Variants in GNL1 observed in about 807,000 individuals in gnomAD.
The protein encoded by GNL1 is G protein nucleolar 1, also known as guanine nucleotide-binding protein-like 1.
GNL1 carries 21 observed loss-of-function variants against 75.2 expected under a neutral mutation model. That is an observed-to-expected ratio of 0.28 (90% CI 0.20 to 0.40). The LOEUF is 0.40. GNL1 is among the 10% of genes least tolerant of loss of function. GNL1 has a pLI of 1.00. For missense variants in GNL1, 579 were observed against 775.0 expected, an observed-to-expected ratio of 0.75 and a Z score of 3.00; for synonymous variants, 287 against 303.4, an observed-to-expected ratio of 0.95 and a Z score of 0.56.
rs1229310581 is a variant in GNL1, at chr6:30,543,317, C to T, written c.*2755G>A. The T allele has an allele frequency of 6.6e-6, 1 of 152,266 alleles. No homozygotes were observed. Among genetic ancestry groups the T allele is most frequent in the African/African-American group, 2.4e-5 (1 of 41,442 alleles). The allele number at this position is 152,266 out of a possible 1,614,324, so 9.4% of individuals were successfully genotyped here. A position where few individuals can be genotyped will look rare whatever the true frequency, so the allele number is the denominator to read the frequency against. ...TGGAGCCACCACTACCCCACAGGAT[C>T]CTGTACCACCCTTCTCCCAGAACTT... is the stretch of plus-strand genomic sequence containing the variant. On this transcript the variant is annotated 3_prime_UTR_variant, in exon 12 of 12. Coordinates refer to ENST00000376621, the MANE Select transcript of GNL1 (RefSeq NM_005275.5).
In GNL1 at chr6:30,546,848, A is replaced by G; in HGVS notation, c.1442-12T>C. 1 of 1,581,168 alleles carries G rather than the reference A, an allele frequency of 6.3e-7. No homozygotes were observed. On this transcript the variant is annotated splice_polypyrimidine_tract_variant and intron_variant, in intron 10 of 11. Coordinates refer to ENST00000376621, the MANE Select transcript of GNL1 (RefSeq NM_005275.5). This position sits in a 1 kb window ranked among gnomAD's most constrained non-coding sequence, Gnocchi z 5.1. ...TTTCTCTGCCCAGGCTGGAGGAAGA[A>G]AAGAATAATGGAAAGGGAAAGCATT...
chr6:30,553,626 A>C (rs113729999), intron 5 of GNL1, 69 bp from the exon 6 acceptor site: 1 of 1,060,196 alleles, frequency 9.4e-7, no homozygotes, highest in Non-Finnish European at 1.5e-6. Flanking sequence ...CCAGCTCCCC[A>C]CTCAGCAGGT....
In GNL1 at chr6:30,552,392, G is replaced by A. The variant is rs899701374; in HGVS notation, c.1099+75C>T. 12 of 1,274,198 alleles carry A rather than the reference G, an allele frequency of 9.4e-6. No individual in the cohort carries two copies. Among genetic ancestry groups the A allele is most frequent in the South Asian group, 5.3e-5 (4 of 75,424 alleles). 78.9% of individuals were successfully genotyped at this position (1,274,198 alleles called of 1,614,324 possible). A position where few individuals can be genotyped will look rare whatever the true frequency, so the allele number is the denominator to read the frequency against. The stretch of plus-strand genomic sequence containing the variant: ...CCCTGGGGCCTAATGAGACCTGATC[G>A]CCCTCTCTCTTCTCCGAATATGAAA... On this transcript the variant is annotated intron_variant, in intron 8 of 11. Coordinates refer to ENST00000376621, the MANE Select transcript of GNL1 (RefSeq NM_005275.5). The surrounding 1 kb of genome is among the most constrained non-coding windows in gnomAD (Gnocchi z 4.5).
rs187311511 is a variant in GNL1 at position 30,541,769 on chromosome 6, T to C, written c.*4303A>G. 1.3e-5 allele frequency: 2 copies of C among 152,364 alleles called. No individual in the cohort carries two copies. The highest frequency in any genetic ancestry group is 2.9e-5 in the Non-Finnish European group (2 of 68,036). 9.4% of individuals were successfully genotyped at this position (152,364 alleles called of 1,614,324 possible). A position where few individuals can be genotyped will look rare whatever the true frequency, so the allele number is the denominator to read the frequency against. Reference sequence around the variant, plus strand: ...CATATTGCAGTTACTCGTATATTACTGACACTGGAACAGACATGTTTTAAC... The same window carrying C: ...CATATTGCAGTTACTCGTATATTACCGACACTGGAACAGACATGTTTTAAC... On this transcript the variant is annotated 3_prime_UTR_variant, in exon 12 of 12. Coordinates refer to ENST00000376621, the MANE Select transcript of GNL1 (RefSeq NM_005275.5).
Position 30,542,658 on chromosome 6 carries a change from C to G in GNL1, c.*3414G>C, listed in dbSNP as rs1799234248. On this transcript the variant is annotated 3_prime_UTR_variant, in exon 12 of 12. Transcript: ENST00000376621. The surrounding 1 kb of genome is among the most constrained non-coding windows in gnomAD (Gnocchi z 4.5). ...AAAACAATCCCAAGACATGTCAATT[C>G]TATCTCCTGAGCAACCCATAAAACG... is the stretch of plus-strand genomic sequence containing the variant. The G allele has an allele frequency of 6.6e-6, 1 of 152,246 alleles. No homozygotes were observed. The highest frequency in any genetic ancestry group is 2.4e-5 in the African/African-American group (1 of 41,452). 9.4% of individuals were successfully genotyped at this position (152,246 alleles called of 1,614,324 possible).
At position 30,547,815 on chromosome 6, in the gene GNL1, T is replaced by G; in HGVS notation, c.1100-285A>C. On this transcript the variant is annotated intron_variant, in intron 8 of 11. Coordinates refer to ENST00000376621, the MANE Select transcript of GNL1 (RefSeq NM_005275.5). This position sits in a 1 kb window ranked among gnomAD's most constrained non-coding sequence, Gnocchi z 5.5. Reference sequence around the variant, plus strand: ...GATTAAATGAGATAACCAATACAACTTGTGTGGGTCAGTGCCTGCAGTACA... The same window carrying G: ...GATTAAATGAGATAACCAATACAACGTGTGTGGGTCAGTGCCTGCAGTACA... 1 of 487,388 alleles carries G rather than the reference T, an allele frequency of 2.1e-6. No individual in the cohort carries two copies. Among genetic ancestry groups the G allele is most frequent in the Non-Finnish European group, 3.6e-6 (1 of 277,840 alleles). 30.2% of individuals were successfully genotyped at this position (487,388 alleles called of 1,614,324 possible).
rs762993122 is a variant in GNL1, at chr6:30,555,504, G to C, written c.239+51C>G. The C allele has an allele frequency of 6.4e-7, 1 of 1,555,928 alleles. No homozygotes were observed. The highest frequency in any genetic ancestry group is 2.3e-5 in the East Asian group (1 of 44,354). On this transcript the variant is annotated intron_variant, in intron 2 of 11. Coordinates refer to ENST00000376621, the MANE Select transcript of GNL1 (RefSeq NM_005275.5). The surrounding 1 kb of genome is among the most constrained non-coding windows in gnomAD (Gnocchi z 4.3). ...GCAGCCCGCTTTCCCCCAAAGCTCT[G>C]ACTTCCGGGTAGGCGGGAAAGCCGG...
intron 8 of GNL1, among the ~76,000 whole-genome samples, chr6:30,550,742 G>C (rs1272924078): frequency 6.6e-6 from 1 of 152,114 alleles, no homozygotes; most frequent in Non-Finnish European, 1.5e-5. Flanking sequence ...TACATGATGT[G>C]GGCCCTGGTG....
chr6:30,550,341 C>A (rs1412107336), intron 8 of GNL1, among the ~76,000 whole-genome samples: 2 of 152,172 alleles, frequency 1.3e-5, no homozygotes, highest in African/African-American at 4.8e-5. Flanking sequence ...GCTTCTCCCC[C>A]AGTCTTCCCA....
intron 8 of GNL1, among the ~76,000 whole-genome samples, chr6:30,549,799 C>T (rs1799659708): frequency 6.6e-6 from 1 of 151,354 alleles, no homozygotes; most frequent in Admixed American, 6.6e-5. Context: ...TTTCCTTTCT[C>T]TCCTACATCT....
At position 30,547,535 on chromosome 6, in the gene GNL1, G is replaced by A. The variant is rs764919224; in HGVS notation, c.1100-5C>T. The A allele has an allele frequency of 7.4e-6, 12 of 1,612,838 alleles. No homozygotes were observed. In the South Asian group the frequency reaches 8.8e-5, roughly 12 times the overall value. ...ACTTTCCCACATTAGGGAAACCTGA[G>A]GAAGGCAAGGAAAATTAACGTTTAA... On this transcript the variant is annotated splice_region_variant and splice_polypyrimidine_tract_variant and intron_variant, in intron 8 of 11. Coordinates refer to ENST00000376621, the MANE Select transcript of GNL1 (RefSeq NM_005275.5). This position sits in a 1 kb window ranked among gnomAD's most constrained non-coding sequence, Gnocchi z 5.5.
intron 6 of GNL1, 28 bp downstream of exon 6, chr6:30,553,322 A>G: frequency 6.3e-7 from 1 of 1,577,776 alleles, no homozygotes; most frequent in South Asian, 1.1e-5. Context: ...CACCTCTCCC[A>G]AGTTGCCCTC....
At position 30,547,609 on chromosome 6, in the gene GNL1, G is replaced by T; in HGVS notation, c.1100-79C>A. ...CTTGGTGCTATACCTATAGGTAAAA[G>T]GGGAACTAAGGCTCAGAAATTAAGG... On this transcript the variant is annotated intron_variant, in intron 8 of 11. Transcript: ENST00000376621. The surrounding 1 kb of genome is among the most constrained non-coding windows in gnomAD (Gnocchi z 5.5). 1 of 1,166,014 alleles carries T rather than the reference G, an allele frequency of 8.6e-7. No individual in the cohort carries two copies. The highest frequency in any genetic ancestry group is 1.3e-6 in the Non-Finnish European group (1 of 796,292). The allele number at this position is 1,166,014 out of a possible 1,614,324, so 72.2% of individuals were successfully genotyped here. A position where few individuals can be genotyped will look rare whatever the true frequency, so the allele number is the denominator to read the frequency against.
At position 30,556,015 on chromosome 6, in the gene GNL1, G is replaced by C; in HGVS notation, c.73+116C>G. The C allele has an allele frequency of 7.8e-7, 1 of 1,280,882 alleles. No individual in the cohort carries two copies. The highest frequency in any genetic ancestry group is 1.1e-6 in the Non-Finnish European group (1 of 904,416). 79.3% of individuals were successfully genotyped at this position (1,280,882 alleles called of 1,614,324 possible). A position where few individuals can be genotyped will look rare whatever the true frequency, so the allele number is the denominator to read the frequency against. ...GATCCCCTCCGCGATAGGCCGCGAG[G>C]GTTGACGCGGTCCCACGACCCCCTC... On this transcript the variant is annotated intron_variant, in intron 1 of 11. Transcript: ENST00000376621. This position sits in a 1 kb window ranked among gnomAD's most constrained non-coding sequence, Gnocchi z 5.7.
chr6:30,552,318 G>A lies in GNL1; in HGVS notation c.1099+149C>T, dbSNP rs1231593585. 16 of 592,418 alleles carry A rather than the reference G, an allele frequency of 2.7e-5. No homozygotes were observed. The highest frequency in any genetic ancestry group is 4.8e-5 in the Non-Finnish European group (16 of 333,994). The allele number at this position is 592,418 out of a possible 1,614,324, so 36.7% of individuals were successfully genotyped here. A position where few individuals can be genotyped will look rare whatever the true frequency, so the allele number is the denominator to read the frequency against. ...TCATGATCCTTCCACTGCAGCAGAC[G>A]CCTCTTCTGCCTTGCCCACCGCCAC... On this transcript the variant is annotated intron_variant, in intron 8 of 11. Coordinates refer to ENST00000376621, the MANE Select transcript of GNL1 (RefSeq NM_005275.5). This position sits in a 1 kb window ranked among gnomAD's most constrained non-coding sequence, Gnocchi z 4.5.
chr6:30,546,234 C>T lies in GNL1; in HGVS notation c.1662G>A (p.Glu554=). Residue 554 remains glutamate, a synonymous_variant, in exon 12 of 12, where the codon GAG becomes GAA. Coordinates refer to ENST00000376621, the MANE Select transcript of GNL1 (RefSeq NM_005275.5). This position sits in a 1 kb window ranked among gnomAD's most constrained non-coding sequence, Gnocchi z 5.1. ...AGCTGCTCAGCTCTTCCTCTTCCTC[C>T]TCCTCCTCGTCACCTGCTGGCCCCA... ...GRVGPAGDEE[E]EEEEELSSSC... 6.4e-7 allele frequency: 1 copy of T among 1,572,888 alleles called. No homozygotes were observed. Among genetic ancestry groups the T allele is most frequent in the Non-Finnish European group, 8.7e-7 (1 of 1,155,468 alleles).
At chr6:30,550,442 T>C (rs576765308) in intron 8 of GNL1, among the ~76,000 whole-genome samples, 2 of 152,178 alleles carry the variant, frequency 1.3e-5, no homozygotes, top group African/African-American at 4.8e-5. Context: ...CCATCAGCGA[T>C]CTCATTTTCT....
chr6:30,552,348 A>G lies in GNL1; in HGVS notation c.1099+119T>C, dbSNP rs1388469702. 2.5e-6 allele frequency: 2 copies of G among 784,782 alleles called. No individual in the cohort carries two copies. Among genetic ancestry groups the G allele is most frequent in the Non-Finnish European group, 2.1e-6 (1 of 484,670 alleles). 48.6% of individuals were successfully genotyped at this position (784,782 alleles called of 1,614,324 possible). On this transcript the variant is annotated intron_variant, in intron 8 of 11. Transcript: ENST00000376621. The surrounding 1 kb of genome is among the most constrained non-coding windows in gnomAD (Gnocchi z 4.5). Reference sequence around the variant, plus strand: ...TTCTGCCTTGCCCACCGCCACTGGCAGAGATCACCCCTCAGACACCCTGGG... The same window carrying G: ...TTCTGCCTTGCCCACCGCCACTGGCGGAGATCACCCCTCAGACACCCTGGG...
intron 8 of GNL1, among the ~76,000 whole-genome samples, chr6:30,549,060 C>T (rs1026224559): frequency 2.0e-4 from 31 of 151,920 alleles, no homozygotes; most frequent in African/African-American, 6.0e-4. Context: ...TGCAGTGGTG[C>T]GATGTTGGCT....
Sources: gnomAD v4.1 joint callset for allele counts (sites outside exome capture counted in the v4.1 genomes callset) on GRCh38, gnomAD v4.1.1 for gene constraint, Gnocchi (gnomAD v3.1) non-coding constraint, MANE v1.5 for transcripts, NCBI Gene and HGNC (gene_info 2026-07-23, HGNC 2026-07-21) for gene names.